The following LRP2 variants were observed in gnomAD, a reference collection of about 807,000 sequenced individuals.
LRP2 encodes low-density lipoprotein receptor-related protein 2.
Under a neutral mutation model 531.0 loss-of-function variants are expected in LRP2, and 172 were observed. The ratio of observed to expected loss-of-function variants is 0.32; its 90% CI spans 0.29 to 0.37. LRP2 has a LOEUF of 0.37. LRP2 is among the 10% of genes least tolerant of loss of function. The probability of loss-of-function intolerance (pLI) is 1.00; values close to 1 mark genes in which losing one functional copy is unlikely to be tolerated. For synonymous variants in LRP2, 1,992 were observed against 2,027.6 expected, an observed-to-expected ratio of 0.98 and a Z score of 0.47; for missense variants, 5,167 against 5,868.3, an observed-to-expected ratio of 0.88 and a Z score of 3.90.
intron 10 of LRP2, 138 bp downstream of exon 10, chr2:169,282,735 G>A: frequency 2.1e-6 from 2 of 934,940 alleles, no homozygotes; most frequent in South Asian, 2.7e-5. Context: ...CTAGGCAGTA[G>A]GAGCCATCCC....
intron 40 of LRP2, 55 bp from the exon 41 acceptor site, chr2:169,205,692 A>T (rs1252326381): frequency 1.1e-4 from 30 of 270,840 alleles, no homozygotes; most frequent in South Asian, 1.7e-4. Context: ...ATAGTCCTTT[A>T]AAAAAAAAAA....
chr2:169,261,777 CAG>C (rs1690565516), intron 16 of LRP2, among the ~76,000 whole-genome samples: 1 of 152,078 alleles, frequency 6.6e-6, no homozygotes, highest in African/African-American at 2.4e-5. Context: ...CAAAGCCAGG[CAG>C]AGACACAACC....
intron 26 of LRP2, among the ~76,000 whole-genome samples, chr2:169,238,710 TAG>T (rs1167190037): frequency 6.6e-6 from 1 of 152,142 alleles, no homozygotes; most frequent in Admixed American, 6.5e-5. Context: ...TCAGCTATGG[TAG>T]AGAGTTCTAA....
intron 1 of LRP2, among the ~76,000 whole-genome samples, chr2:169,325,068 A>T (rs1281070856): frequency 1.3e-5 from 2 of 151,872 alleles, no homozygotes; most frequent in Non-Finnish European, 2.9e-5. Context: ...TCAAAAAAAA[A>T]AAAAAAGAAA....
intron 63 of LRP2, among the ~76,000 whole-genome samples, chr2:169,159,074 C>T (rs537745199): frequency 6.6e-6 from 1 of 152,202 alleles, no homozygotes; most frequent in East Asian, 1.9e-4. Context: ...CTCCATCTAT[C>T]CCCAAACCTA....
intron 33 of LRP2, among the ~76,000 whole-genome samples, chr2:169,223,359 T>C (rs964000369): frequency 6.6e-6 from 1 of 152,168 alleles, no homozygotes; most frequent in Admixed American, 6.5e-5. Context: ...TTTGGAAAAC[T>C]ATCAGTTTAA....
At chr2:169,230,227 T>C (rs1559029526) in intron 31 of LRP2, among the ~76,000 whole-genome samples, 2 of 152,236 alleles carry the variant, frequency 1.3e-5, no homozygotes, top group Non-Finnish European at 2.9e-5. Context: ...CCGAAATGTC[T>C]ACAGCCCAGT....
intron 3 of LRP2, among the ~76,000 whole-genome samples, chr2:169,309,229 GA>G (rs1232874776): frequency 3.9e-5 from 6 of 152,060 alleles, no homozygotes; most frequent in Non-Finnish European, 8.8e-5. Flanking sequence ...TTAGTTTAAT[GA>G]GATCCCATTT....
At chr2:169,201,956 C>G in intron 43 of LRP2, 86 bp from the exon 44 acceptor site, 1 of 1,547,918 alleles carries the variant, frequency 6.5e-7, no homozygotes, top group Non-Finnish European at 8.8e-7. Flanking sequence ...ATAAAAGAGA[C>G]ACTTTGAATT....
intron 16 of LRP2, among the ~76,000 whole-genome samples, chr2:169,267,126 G>A (rs1227675705): frequency 6.6e-6 from 1 of 151,532 alleles, no homozygotes; most frequent in Admixed American, 6.6e-5. Context: ...CCGGCCTCAA[G>A]CAATCCTCCC....
intron 1 of LRP2, among the ~76,000 whole-genome samples, chr2:169,325,369 G>A (rs555574900): frequency 6.6e-6 from 1 of 152,118 alleles, no homozygotes; most frequent in Non-Finnish European, 1.5e-5. Context: ...CACCTTCACT[G>A]AACTCAAAGA....
In LRP2 at chr2:169,331,769, A is replaced by G. The variant is rs1032363821; in HGVS notation, c.80-10885T>C. Among the ~76,000 whole-genome samples, 7 of 152,356 alleles carry G rather than the reference A, an allele frequency of 4.6e-5. No homozygotes were observed. In the East Asian group the frequency reaches 1.3e-3, roughly 29 times the overall value. On this transcript the variant is annotated intron_variant, in intron 1 of 78. Coordinates refer to ENST00000649046, the MANE Select transcript of LRP2 (RefSeq NM_004525.3). The stretch of plus-strand genomic sequence containing the variant: ...CTCATGATTTGACACACCCTGTGCA[A>G]AAACTACAAATCATTCCCATTTCAG...
At chr2:169,135,568 T>C (rs542791062) in intron 76 of LRP2, among the ~76,000 whole-genome samples, 1 of 152,268 alleles carries the variant, frequency 6.6e-6, no homozygotes, top group South Asian at 2.1e-4. Flanking sequence ...TCATACCCCT[T>C]ACGGTCCTCA....
intron 68 of LRP2, among the ~76,000 whole-genome samples, chr2:169,148,833 C>T (rs953024383): frequency 6.7e-6 from 1 of 149,980 alleles, no homozygotes; most frequent in African/African-American, 2.5e-5. Context: ...GTACCCAAGA[C>T]ATCCATCTAG....
intron 4 of LRP2, among the ~76,000 whole-genome samples, chr2:169,299,360 A>C (rs1037333471): frequency 6.6e-6 from 1 of 152,036 alleles, no homozygotes; most frequent in African/African-American, 2.4e-5. Flanking sequence ...ACTGGGTCTT[A>C]AGCCTGAGAT....
At chr2:169,307,962 T>C (rs1189321389) in intron 3 of LRP2, among the ~76,000 whole-genome samples, 1 of 152,170 alleles carries the variant, frequency 6.6e-6, no homozygotes, top group East Asian at 1.9e-4. Flanking sequence ...GCATCAGCAG[T>C]TCATGAAATT....
chr2:169,337,056 C>A (rs369789766), intron 1 of LRP2, among the ~76,000 whole-genome samples: 14 of 152,130 alleles, frequency 9.2e-5, no homozygotes, highest in Admixed American at 3.3e-4. Context: ...CTTCCCCCAC[C>A]GCTGTCTAAA....
intron 16 of LRP2, among the ~76,000 whole-genome samples, chr2:169,264,087 G>T (rs922716999): frequency 6.6e-6 from 1 of 152,022 alleles, no homozygotes; most frequent in African/African-American, 2.4e-5. Flanking sequence ...CACACTCTGG[G>T]GACTGTTGTG....
intron 69 of LRP2, 42 bp from the exon 70 acceptor site, chr2:169,145,965 A>G (rs757779009): frequency 6.3e-7 from 1 of 1,589,396 alleles, no homozygotes; most frequent in Admixed American, 1.7e-5. Context: ...AGGTTATTGA[A>G]AAGAAAATAC....
Sources: allele counts gnomAD v4.1 joint callset (sites outside exome capture counted in the v4.1 genomes callset), GRCh38; gene constraint gnomAD v4.1.1; transcripts MANE v1.5; gene names NCBI Gene and HGNC (gene_info 2026-07-23, HGNC 2026-07-21).